CDKN2B-AS1: variants seen among roughly 807,000 people sequenced by gnomAD.
CDKN2B-AS1 encodes the protein CDKN2B and CDKN2A antisense cis and trans regulatory RNA 1.
At chr9:22,111,359 G>C (rs962395097) in intron 4 of CDKN2B-AS1, among the ~76,000 whole-genome samples, 1 of 152,096 alleles carries the variant, frequency 6.6e-6, no homozygotes, top group African/African-American at 2.4e-5. Flanking sequence ...AAAAAGGAAG[G>C]TCTGGAGAAT....
intron 4 of CDKN2B-AS1, among the ~76,000 whole-genome samples, chr9:22,125,361 T>C (rs935654908): frequency 6.6e-6 from 1 of 152,248 alleles, no homozygotes. Context: ...TGTCGAATTA[T>C]TGAAATATTT....
chr9:22,120,808 CATCATCATT>C (rs1826080468), intron 4 of CDKN2B-AS1: 2 of 152,054 alleles, frequency 1.3e-5, no homozygotes, highest in South Asian at 2.1e-4. Flanking sequence ...TCATCATCAT[CATCATCATT>C]ATCATCACCA....
intron 4 of CDKN2B-AS1, among the ~76,000 whole-genome samples, chr9:22,108,221 C>T (rs1825709391): frequency 2.6e-5 from 4 of 152,050 alleles, no homozygotes; most frequent in Non-Finnish European, 5.9e-5. Flanking sequence ...AGTTCTTCTC[C>T]GAATGGGCTC....
intron 1 of CDKN2B-AS1, chr9:22,009,035 G>A: frequency 6.3e-7 from 1 of 1,585,920 alleles, no homozygotes; most frequent in South Asian, 1.1e-5. Flanking sequence ...TCTTTCCCAC[G>A]CTGCTCCGGC....
At chr9:22,051,432 A>T (rs1823341522) in intron 3 of CDKN2B-AS1, among the ~76,000 whole-genome samples, 2 of 152,206 alleles carry the variant, frequency 1.3e-5, no homozygotes, top group African/African-American at 2.4e-5. Context: ...TAAATGTGTT[A>T]AACTTGGTAT....
chr9:22,026,857 G>C (rs1822261117), intron 1 of CDKN2B-AS1, among the ~76,000 whole-genome samples: 3 of 152,134 alleles, frequency 2.0e-5, no homozygotes, highest in Admixed American at 6.5e-5. Flanking sequence ...GAGTTCACAA[G>C]GGGATCTCCT....
At chr9:22,025,539 G>A (rs567258695) in intron 1 of CDKN2B-AS1, among the ~76,000 whole-genome samples, 1 of 152,238 alleles carries the variant, frequency 6.6e-6, no homozygotes, top group South Asian at 2.1e-4. Flanking sequence ...AAGAGATGTG[G>A]GAATGGGCAC....
chr9:22,088,466 CAG>C (rs1824942039), intron 4 of CDKN2B-AS1, among the ~76,000 whole-genome samples: 2 of 146,464 alleles, frequency 1.4e-5, no homozygotes, highest in South Asian at 2.2e-4. Context: ...CACACACACA[CAG>C]AATTGCCACA....
intron 4 of CDKN2B-AS1, among the ~76,000 whole-genome samples, chr9:22,088,344 A>G (rs1349410191): frequency 6.6e-6 from 1 of 152,082 alleles, no homozygotes; most frequent in Non-Finnish European, 1.5e-5. Context: ...AGTGGTATTT[A>G]CCTTTTTGGA....
At chr9:22,096,561 C>G (rs1363671050) in intron 4 of CDKN2B-AS1, 2 of 152,162 alleles carry the variant, frequency 1.3e-5, no homozygotes, top group East Asian at 3.9e-4. Flanking sequence ...TTGTTATTCC[C>G]TGCTTAAAAT....
intron 1 of CDKN2B-AS1, among the ~76,000 whole-genome samples, chr9:22,038,025 C>G (rs1367281939): frequency 1.3e-5 from 2 of 152,050 alleles, no homozygotes; most frequent in Non-Finnish European, 2.9e-5. Flanking sequence ...TGAAAAGCCT[C>G]TTGCACAATT....
At chr9:22,046,009 G>A (rs577527180) in intron 1 of CDKN2B-AS1, among the ~76,000 whole-genome samples, 1 of 152,170 alleles carries the variant, frequency 6.6e-6, no homozygotes, top group East Asian at 1.9e-4. Flanking sequence ...ACTGGACTTA[G>A]AATATAAGAA....
chr9:22,034,971 A>G (rs965815810), intron 1 of CDKN2B-AS1, among the ~76,000 whole-genome samples: 1 of 152,130 alleles, frequency 6.6e-6, no homozygotes, highest in African/African-American at 2.4e-5. Context: ...AAGTTATTTA[A>G]TTTAGATTTG....
At position 22,071,134 on chromosome 9, in the gene CDKN2B-AS1, G is replaced by A. The variant is rs376994236; in HGVS notation, n.438+14747G>A. On this transcript the variant is annotated intron_variant and non_coding_transcript_variant, in intron 4 of 4. Coordinates refer to ENST00000650946, the Ensembl canonical transcript of CDKN2B-AS1. ...AAGTCAGTTTTTAAAAAATTCAATT[G>A]CAACTTAGGAGATACATCTGGCCTC... Among the ~76,000 whole-genome samples the A allele has an allele frequency of 8.6e-5, 13 of 150,538 alleles. No homozygotes were observed. In the South Asian group the frequency reaches 2.8e-3, roughly 32 times the overall value.
intron 1 of CDKN2B-AS1, among the ~76,000 whole-genome samples, chr9:22,031,739 G>A (rs1822480906): frequency 6.6e-6 from 1 of 152,184 alleles, no homozygotes; most frequent in African/African-American, 2.4e-5. Context: ...ACAGCTTTGT[G>A]TAATCCCCTC....
intron 4 of CDKN2B-AS1, among the ~76,000 whole-genome samples, chr9:22,123,390 G>A (rs1328496474): frequency 6.6e-6 from 1 of 152,112 alleles, no homozygotes; most frequent in Non-Finnish European, 1.5e-5. Context: ...TTACTGTGTT[G>A]AATAAGAATG....
At chr9:22,026,508 C>A (rs902005632) in intron 1 of CDKN2B-AS1, among the ~76,000 whole-genome samples, 2 of 152,252 alleles carry the variant, frequency 1.3e-5, no homozygotes, top group African/African-American at 2.4e-5. Context: ...CCTGCCCCTC[C>A]TCCTGGGAGC....
At chr9:22,080,760 T>C (rs1824663315) in intron 4 of CDKN2B-AS1, among the ~76,000 whole-genome samples, 1 of 152,240 alleles carries the variant, frequency 6.6e-6, no homozygotes, top group South Asian at 2.1e-4. Context: ...GGGAAATTAC[T>C]TGATAGTTCT....
intron 4 of CDKN2B-AS1, among the ~76,000 whole-genome samples, chr9:22,112,779 C>T (rs1388812219): frequency 6.6e-6 from 1 of 151,868 alleles, no homozygotes; most frequent in African/African-American, 2.4e-5. Context: ...GAAATATTTT[C>T]CAAAAAGCAA....
Sources: gnomAD v4.1 joint callset for allele counts (sites outside exome capture counted in the v4.1 genomes callset) on GRCh38, gnomAD v4.1.1 for gene constraint, MANE v1.5 for transcripts, NCBI Gene and HGNC (gene_info 2026-07-23, HGNC 2026-07-21) for gene names.